Variants in NRG3 observed in about 807,000 individuals in gnomAD.
The protein encoded by NRG3 is neuregulin 3, also known as pro-neuregulin-3, membrane-bound isoform.
In NRG3, 31 loss-of-function variants were observed where a neutral mutation model predicts 66.9. The ratio of observed to expected loss-of-function variants is 0.46; its 90% CI spans 0.35 to 0.63. The LOEUF (loss-of-function observed/expected upper bound fraction) is 0.63. NRG3 is among the 20% of genes least tolerant of loss of function. The pLI, the probability that NRG3 is intolerant of heterozygous loss-of-function variation, is 0.00. For missense variants in NRG3, 910 were observed against 878.9 expected (o/e 1.04, Z -0.45); for synonymous variants, 393 against 359.4 (o/e 1.09, Z -1.06).
intron 4 of NRG3, among the ~76,000 whole-genome samples, chr10:82,911,861 A>C (rs1046506099): frequency 6.6e-6 from 1 of 151,946 alleles, no homozygotes; most frequent in South Asian, 2.1e-4. Flanking sequence ...CTTTTCTAAT[A>C]TATTCATTAA....
At chr10:82,491,895 A>G (rs552030270) in intron 2 of NRG3, among the ~76,000 whole-genome samples, 1 of 152,336 alleles carries the variant, frequency 6.6e-6, no homozygotes, top group Admixed American at 6.5e-5. Context: ...TTGGTTAGAA[A>G]AATAAAGGGA....
Position 82,204,049 on chromosome 10 carries a change from CT to C in NRG3, c.824-154689del, listed in dbSNP as rs201899582. ...CTTTTGAGAGTGGGCAGTTTTCTAA[CT>C]CTTTAAGGTATCATTTTGTATCTTG... is the stretch of plus-strand genomic sequence containing the variant. On this transcript the variant is annotated intron_variant, in intron 1 of 8. Transcript: ENST00000372141. Among the ~76,000 whole-genome samples the C allele has an allele frequency of 8.7e-3, 1,323 of 152,222 alleles. 16 individuals are homozygous for C. The highest frequency in any genetic ancestry group is 0.03 in the African/African-American group (1,254 of 41,542).
chr10:82,804,113 C>A (rs894056489), intron 3 of NRG3, among the ~76,000 whole-genome samples: 4 of 152,124 alleles, frequency 2.6e-5, no homozygotes, highest in African/African-American at 9.7e-5. Context: ...TCCAAGTAAC[C>A]CTTGTTTTAC....
chr10:82,966,006 TTTAGGATAGCTTTCAA>T (rs1255248007), intron 6 of NRG3, among the ~76,000 whole-genome samples: 1 of 152,172 alleles, frequency 6.6e-6, no homozygotes, highest in Non-Finnish European at 1.5e-5. Context: ...GATCTGATAT[TTTAGGATAGCTTTCAA>T]TTTACAGAAA....
At chr10:82,879,596 T>C (rs1315653765) in intron 4 of NRG3, among the ~76,000 whole-genome samples, 1 of 151,648 alleles carries the variant, frequency 6.6e-6, no homozygotes, top group African/African-American at 2.4e-5. Context: ...CCTCAGCCTC[T>C]GGAGTAGGTG....
At chr10:82,670,572 G>T (rs1036538755) in intron 2 of NRG3, among the ~76,000 whole-genome samples, 3 of 152,026 alleles carry the variant, frequency 2.0e-5, no homozygotes, top group Non-Finnish European at 2.9e-5. Context: ...GTTATTTCAG[G>T]CAGTATCTTC....
intron 2 of NRG3, among the ~76,000 whole-genome samples, chr10:82,600,002 T>C (rs878888783): frequency 2.0e-5 from 3 of 152,164 alleles, no homozygotes; most frequent in Non-Finnish European, 4.4e-5. Context: ...TCTCTACTTA[T>C]AATACTTAAA....
rs781144324 is a variant in NRG3 at position 81,875,988 on chromosome 10, A to C, written c.648A>C (p.Pro216=). ...LGSRPPVPGT[P]STQAMPSWPT... ...CCCGACCCCCGGTGCCAGGAACTCC[A>C]AGTACCCAGGCAATGCCCTCCTGGC... The change falls in exon 1 of 9, where the codon CCA becomes CCC. Residue 216 remains proline, a synonymous_variant. Transcript: ENST00000372141. The surrounding 1 kb of genome is among the most constrained non-coding windows in gnomAD (Gnocchi z 5.3). 13 of 1,613,822 alleles carry C rather than the reference A, an allele frequency of 8.1e-6. No individual in the cohort carries two copies. In the African/African-American group the frequency reaches 1.6e-4, roughly 20 times the overall value.
chr10:82,820,524 T>C (rs1283281409), intron 3 of NRG3, among the ~76,000 whole-genome samples: 3 of 152,192 alleles, frequency 2.0e-5, no homozygotes, highest in Non-Finnish European at 2.9e-5. Context: ...ATGATTATAC[T>C]CAGAGCATCT....
At chr10:82,341,890 T>C (rs2135398106) in intron 1 of NRG3, among the ~76,000 whole-genome samples, 1 of 152,170 alleles carries the variant, frequency 6.6e-6, no homozygotes, top group South Asian at 2.1e-4. Flanking sequence ...GTTTCTGAGT[T>C]ATTTTACTTA....
At chr10:82,810,107 C>T (rs1591593101) in intron 3 of NRG3, among the ~76,000 whole-genome samples, 1 of 152,060 alleles carries the variant, frequency 6.6e-6, no homozygotes, top group East Asian at 1.9e-4. Context: ...AATTACCTCC[C>T]AGTTTATGGC....
At chr10:82,232,762 G>A (rs1476384122) in intron 1 of NRG3, 6 of 717,198 alleles carry the variant, frequency 8.4e-6, no homozygotes, top group South Asian at 1.5e-5. Context: ...CAGGAGGCAT[G>A]CCATACATGG....
At chr10:82,700,413 G>T (rs2055772210) in intron 2 of NRG3, among the ~76,000 whole-genome samples, 1 of 152,154 alleles carries the variant, frequency 6.6e-6, no homozygotes, top group Admixed American at 6.6e-5. Flanking sequence ...CCATGGGAGG[G>T]ATGTCTCCAA....
intron 4 of NRG3, among the ~76,000 whole-genome samples, chr10:82,934,422 T>C (rs919562889): frequency 2.8e-4 from 43 of 152,224 alleles, no homozygotes; most frequent in African/African-American, 1.0e-3. Context: ...CATGTATGGA[T>C]TGTCTTGCTT....
At chr10:82,060,801 A>G (rs547416675) in intron 1 of NRG3, among the ~76,000 whole-genome samples, 2 of 152,128 alleles carry the variant, frequency 1.3e-5, no homozygotes, top group Non-Finnish European at 2.9e-5. Flanking sequence ...AGACCTGCAT[A>G]TTGCCTCTAC....
chr10:82,881,977 A>G (rs1382157506), intron 4 of NRG3, among the ~76,000 whole-genome samples: 1 of 152,158 alleles, frequency 6.6e-6, no homozygotes, highest in Non-Finnish European at 1.5e-5. Flanking sequence ...GCCAAATACT[A>G]TAGAATTTTA....
intron 2 of NRG3, among the ~76,000 whole-genome samples, chr10:82,623,170 A>G (rs1486997552): frequency 6.6e-6 from 1 of 152,136 alleles, no homozygotes; most frequent in African/African-American, 2.4e-5. Flanking sequence ...GCTCTCTTTT[A>G]GCAATTAAAG....
At chr10:82,705,113 C>A (rs2056188031) in intron 2 of NRG3, among the ~76,000 whole-genome samples, 3 of 152,110 alleles carry the variant, frequency 2.0e-5, no homozygotes, top group Admixed American at 6.6e-5. Flanking sequence ...CAAGAGTAAG[C>A]CTTCATTTAC....
intron 1 of NRG3, among the ~76,000 whole-genome samples, chr10:82,059,889 A>G (rs1455275892): frequency 1.3e-5 from 2 of 152,224 alleles, no homozygotes; most frequent in South Asian, 2.1e-4. Flanking sequence ...ATGATCAGCC[A>G]TAACATTGTA....
Sources: allele counts gnomAD v4.1 joint callset (sites outside exome capture counted in the v4.1 genomes callset), GRCh38; gene constraint gnomAD v4.1.1; non-coding constraint Gnocchi (gnomAD v3.1); transcripts MANE v1.5; gene names NCBI Gene and HGNC (gene_info 2026-07-23, HGNC 2026-07-21).